Variants in COL21A1 observed in about 807,000 individuals in gnomAD.
The protein encoded by COL21A1 is collagen type XXI alpha 1 chain, also known as collagen alpha-1(XXI) chain.
Under a neutral mutation model 137.9 loss-of-function variants are expected in COL21A1, and 149 were observed. The ratio of observed to expected loss-of-function variants is 1.08; its 90% CI spans 0.95 to 1.24. The LOEUF is 1.24. Among genes scored for constraint, COL21A1 ranks in the 50% most tolerant of loss-of-function variants. The pLI, the probability that COL21A1 is intolerant of heterozygous loss-of-function variation, is 0.00. For missense variants in COL21A1, 1,167 were observed against 1,158.4 expected (o/e 1.01, Z -0.11); for synonymous variants, 456 against 391.5 (o/e 1.16, Z -1.95).
chr6:56,157,068 A>G, intron 9 of COL21A1, 119 bp from the exon 10 acceptor site: 2 of 524,124 alleles, frequency 3.8e-6, no homozygotes, highest in East Asian at 3.4e-5. Flanking sequence ...GTTAAAAACA[A>G]AAGTAAAAAA....
Position 56,125,462 on chromosome 6 carries a change from C to T in COL21A1, c.1650+105G>A, listed in dbSNP as rs942218145. On this transcript the variant is annotated intron_variant, in intron 14 of 29. Transcript: ENST00000244728. ...GAATTAATCCCCTAAGAAGGGTGAA[C>T]AGAGCTAACTGTTCTAATGCTGGGT... 8.5e-6 allele frequency: 6 copies of T among 709,536 alleles called. No homozygotes were observed. In the East Asian group the frequency reaches 1.8e-4, roughly 21 times the overall value. 44.0% of individuals were successfully genotyped at this position (709,536 alleles called of 1,614,324 possible). A position where few individuals can be genotyped will look rare whatever the true frequency, so the allele number is the denominator to read the frequency against.
At chr6:56,374,974 T>G (rs1454093119) in intron 1 of COL21A1, among the ~76,000 whole-genome samples, 1 of 152,084 alleles carries the variant, frequency 6.6e-6, no homozygotes, top group Non-Finnish European at 1.5e-5. Flanking sequence ...ATAAACAGTT[T>G]CAACCCTCAT....
chr6:56,283,874 ACTCTCT>A (rs66937943), intron 1 of COL21A1, among the ~76,000 whole-genome samples: 30 of 146,268 alleles, frequency 2.1e-4, no homozygotes, highest in South Asian at 4.4e-4. Flanking sequence ...TCACACACAC[ACTCTCT>A]CTCTCTCTCT....
At chr6:56,165,907 T>TACACAC (rs61397350) in intron 7 of COL21A1, among the ~76,000 whole-genome samples, 1,308 of 105,750 alleles carry the variant, frequency 0.012, 22 homozygotes, top group African/African-American at 0.034. Flanking sequence ...GGGGATTGAT[T>TACACAC]ACACACACAC....
intron 3 of COL21A1, among the ~76,000 whole-genome samples, chr6:56,177,879 C>T (rs1368965886): frequency 6.6e-6 from 1 of 150,848 alleles, no homozygotes; most frequent in Non-Finnish European, 1.5e-5. Context: ...TAAAAGATGG[C>T]TATTGTGCAA....
rs545312134 is a variant in COL21A1, at chr6:56,233,658, G to T, written c.-39+13729C>A. On this transcript the variant is annotated intron_variant, in intron 1 of 29. Coordinates refer to ENST00000244728, the MANE Select transcript of COL21A1 (RefSeq NM_030820.4). ...ATATGGAGAAATATAGGAGAGAAAC[G>T]GTAAAGGAAAAAATTTCAGAGCTAA... Among the ~76,000 whole-genome samples, 18 of 150,910 alleles carry T rather than the reference G, an allele frequency of 1.2e-4. No homozygotes were observed. In the East Asian group the frequency reaches 3.3e-3, roughly 28 times the overall value.
intron 1 of COL21A1, among the ~76,000 whole-genome samples, chr6:56,202,132 A>C (rs981797192): frequency 6.6e-6 from 1 of 152,150 alleles, no homozygotes; most frequent in African/African-American, 2.4e-5. Flanking sequence ...TAGATGATCA[A>C]GACTGAAGTT....
chr6:56,280,775 G>A (rs1449560762), intron 1 of COL21A1, among the ~76,000 whole-genome samples: 2 of 152,120 alleles, frequency 1.3e-5, no homozygotes, highest in African/African-American at 4.8e-5. Flanking sequence ...CACTTTGGGA[G>A]GTCAATGTGG....
At chr6:56,358,973 T>C (rs1765901192) in intron 1 of COL21A1, among the ~76,000 whole-genome samples, 1 of 152,152 alleles carries the variant, frequency 6.6e-6, no homozygotes, top group Admixed American at 6.6e-5. Context: ...GGTTAAAGCT[T>C]GGCAATTTTT....
intron 1 of COL21A1, among the ~76,000 whole-genome samples, chr6:56,239,024 C>T (rs1188384626): frequency 6.6e-6 from 1 of 152,146 alleles, no homozygotes; most frequent in East Asian, 1.9e-4. Context: ...AGGTCAAGCA[C>T]CATGCACAAA....
At chr6:56,311,349 G>C (rs1236812070) in intron 1 of COL21A1, among the ~76,000 whole-genome samples, 2 of 152,220 alleles carry the variant, frequency 1.3e-5, no homozygotes, top group Non-Finnish European at 2.9e-5. Context: ...CCTTGGCAGA[G>C]AGTCACTCGG....
chr6:56,391,584 T>C (rs78147012), intron 1 of COL21A1, among the ~76,000 whole-genome samples: 8,452 of 151,704 alleles, frequency 0.056, 708 homozygotes, highest in African/African-American at 0.18. Context: ...ATAAATAAAA[T>C]CAGAGATAAA....
chr6:56,324,485 C>T (rs1175799326), intron 1 of COL21A1, among the ~76,000 whole-genome samples: 1 of 152,042 alleles, frequency 6.6e-6, no homozygotes, highest in East Asian at 1.9e-4. Context: ...TCATCTCTGC[C>T]TCAACACGTT....
At chr6:56,133,602 G>A (rs1215708245) in intron 12 of COL21A1, among the ~76,000 whole-genome samples, 1 of 152,194 alleles carries the variant, frequency 6.6e-6, no homozygotes, top group Non-Finnish European at 1.5e-5. Flanking sequence ...TGGCAAAAAT[G>A]TCTTCAGGGC....
rs181898091 is a variant in COL21A1 at position 56,394,077 on chromosome 6, C to G, written c.-145G>C. ...AATATAATCTTTGAGTGGGTATGAA[C>G]TCCCTTGGCCAGAACCAGGGGTGTG... On this transcript the variant is annotated 5_prime_UTR_variant, in exon 1 of 29. Transcript: ENST00000370819. The G allele has an allele frequency of 3.9e-5, 6 of 152,404 alleles. No individual in the cohort carries two copies. In the East Asian group the frequency reaches 1.2e-3, roughly 29 times the overall value. 9.4% of individuals were successfully genotyped at this position (152,404 alleles called of 1,614,324 possible).
At chr6:56,380,528 AAACC>A (rs2094007086) in intron 1 of COL21A1, among the ~76,000 whole-genome samples, 1 of 152,184 alleles carries the variant, frequency 6.6e-6, no homozygotes, top group Non-Finnish European at 1.5e-5. Context: ...TGTAATCTTC[AAACC>A]AATACTCACA....
At chr6:56,070,705 A>G in intron 21 of COL21A1, 40 bp downstream of exon 21, 1 of 1,387,640 alleles carries the variant, frequency 7.2e-7, no homozygotes, top group Non-Finnish European at 9.9e-7. Flanking sequence ...AATTTACATT[A>G]TAATTTCTTT....
At chr6:56,086,790 A>G (rs1768292856) in intron 17 of COL21A1, among the ~76,000 whole-genome samples, 1 of 152,132 alleles carries the variant, frequency 6.6e-6, no homozygotes, top group African/African-American at 2.4e-5. Context: ...TTCTTCCACT[A>G]TTTGCTTCAG....
In COL21A1 at chr6:56,174,149, A is replaced by G. The variant is rs1029734553; in HGVS notation, c.641-3021T>C. ...AAATACGTGATGACAAAATCACAAC[A>G]TCCAAAATTTATGAGATGCAGGAAA... is the stretch of plus-strand genomic sequence containing the variant. On this transcript the variant is annotated intron_variant, in intron 3 of 29. Transcript: ENST00000244728. 2.6e-5 allele frequency among the ~76,000 whole-genome samples: 4 copies of G among 152,250 alleles called. No homozygotes were observed. The South Asian group carries it at 8.3e-4, about 32-fold the overall frequency.
Sources: allele counts gnomAD v4.1 joint callset (sites outside exome capture counted in the v4.1 genomes callset), GRCh38; gene constraint gnomAD v4.1.1; transcripts MANE v1.5; gene names NCBI Gene and HGNC (gene_info 2026-07-23, HGNC 2026-07-21).